The following DYNC2I1 variants were observed in gnomAD, a reference collection of about 807,000 sequenced individuals.
DYNC2I1 encodes dynein 2 intermediate chain 1.
A neutral mutation model predicts 133.4 loss-of-function variants in DYNC2I1; 89 were observed. That is an observed-to-expected ratio of 0.67 (90% CI 0.56 to 0.80). The LOEUF is 0.80. Ranked by LOEUF, DYNC2I1 falls within the 30% of genes least tolerant of loss-of-function variation. DYNC2I1 has a pLI of 0.00. For synonymous variants in DYNC2I1, 504 were observed against 484.3 expected (o/e 1.04, Z -0.54); for missense variants, 1,291 against 1,314.5 (o/e 0.98, Z 0.28).
At chr7:158,916,366 C>T (rs71547579) in intron 14 of DYNC2I1, among the ~76,000 whole-genome samples, 13 of 68,932 alleles carry the variant, frequency 1.9e-4, no homozygotes, top group African/African-American at 6.3e-4. Context: ...TGTGAAACGT[C>T]GACACGCTGG....
chr7:158,948,030 C>A (rs960379550), downstream of DYNC2I1, among the ~76,000 whole-genome samples: 1 of 152,242 alleles, frequency 6.6e-6, no homozygotes, highest in Non-Finnish European at 1.5e-5. Flanking sequence ...AGCCTCACCC[C>A]CAGGGAGGAG....
rs749056314 is a variant in DYNC2I1 at position 158,922,417 on chromosome 7, G to A, written c.1962G>A (p.Arg654=). ...VSSLHTSRVQ[R]QMVVSVHDLP... The stretch of plus-strand genomic sequence containing the variant: ...CCTTGCACACCTCCCGAGTTCAGAG[G>A]CAGATGGTGGTCTCCGTTCACGACT... The change falls in exon 16 of 25, where the codon AGG becomes AGA. Residue 654 remains arginine (R), a synonymous_variant. Transcript: ENST00000407559. 5 of 1,613,988 alleles carry A rather than the reference G, an allele frequency of 3.1e-6. No individual in the cohort carries two copies. The Admixed American group carries it at 8.3e-5, about 27-fold the overall frequency.
rs1176299495 is a variant in DYNC2I1 at position 158,922,463 on chromosome 7, C to T, written c.2008C>T (p.Pro670Ser). 1 of 1,613,980 alleles carries T rather than the reference C, an allele frequency of 6.2e-7. No individual in the cohort carries two copies. The highest frequency in any genetic ancestry group is 1.7e-5 in the Admixed American group (1 of 60,016). The change falls in exon 16 of 25, where the codon CCC (proline) becomes TCC (serine). Residue 670 changes from proline (P) to serine (S), a missense_variant. Transcript: ENST00000407559. ...CGACTTACCCGAGAAGAGCTTTGTG[C>T]CCCTGCTGGACAGCAAATACGTCCT... ...VHDLPEKSFV[P>S]LLDSKYVLCV...
intron 8 of DYNC2I1, among the ~76,000 whole-genome samples, chr7:158,893,505 A>G (rs534564705): frequency 1.3e-5 from 2 of 152,326 alleles, no homozygotes; most frequent in Non-Finnish European, 2.9e-5. Flanking sequence ...CCTATTTTGT[A>G]ATAAGGTGTT....
At chr7:158,868,900 A>G (rs1842641478) in intron 1 of DYNC2I1, among the ~76,000 whole-genome samples, 1 of 152,190 alleles carries the variant, frequency 6.6e-6, no homozygotes, top group Non-Finnish European at 1.5e-5. Context: ...CTTGAACAGG[A>G]TAGCATCTGG....
At chr7:158,939,862 A>G (rs1475893694) in intron 23 of DYNC2I1, among the ~76,000 whole-genome samples, 1 of 152,218 alleles carries the variant, frequency 6.6e-6, no homozygotes, top group African/African-American at 2.4e-5. Flanking sequence ...ACTGTAAAAA[A>G]TGACAAAAAG....
upstream of DYNC2I1, among the ~76,000 whole-genome samples, chr7:158,852,504 G>T (rs1261880374): frequency 6.6e-6 from 1 of 151,722 alleles, no homozygotes; most frequent in East Asian, 2.0e-4. Context: ...ACTTTGGGAG[G>T]CCAAGGTGGG....
intron 11 of DYNC2I1, among the ~76,000 whole-genome samples, chr7:158,909,329 T>TAA (rs1847150906): frequency 2.0e-5 from 1 of 49,462 alleles, no homozygotes; most frequent in African/African-American, 1.3e-4. Context: ...AGACTCTGTC[T>TAA]CAAAAAAAAA....
At chr7:158,843,749 A>G in the DYNC2I1 span, among the ~76,000 whole-genome samples, 136 of 152,278 alleles carry the variant, frequency 8.9e-4, 1 homozygote, top group African/African-American at 3.1e-3. Flanking sequence ...TGACAGAGGC[A>G]TATCTCAGTA....
chr7:158,839,322 G>GT, the DYNC2I1 span, among the ~76,000 whole-genome samples: 69 of 128,758 alleles, frequency 5.4e-4, 2 homozygotes, highest in South Asian at 5.2e-3. Context: ...ATGTAACTCC[G>GT]TAACACCTGA....
intron 7 of DYNC2I1, among the ~76,000 whole-genome samples, chr7:158,887,516 A>G (rs1844717629): frequency 6.6e-6 from 1 of 152,224 alleles, no homozygotes; most frequent in African/African-American, 2.4e-5. Flanking sequence ...ATTAATAATA[A>G]TAGTAACTTT....
intron 10 of DYNC2I1, chr7:158,902,801 A>G: frequency 1.8e-6 from 1 of 564,628 alleles, no homozygotes; most frequent in Non-Finnish European, 3.1e-6. Flanking sequence ...ATTCTCTTAC[A>G]CAGAGAAGTT....
intron 14 of DYNC2I1, among the ~76,000 whole-genome samples, chr7:158,915,253 A>T (rs1179527612): frequency 6.6e-6 from 1 of 152,052 alleles, no homozygotes; most frequent in Non-Finnish European, 1.5e-5. Flanking sequence ...GTTGACATTA[A>T]GAATGATTGT....
At chr7:158,896,834 G>A (rs1288516786) in intron 8 of DYNC2I1, among the ~76,000 whole-genome samples, 3 of 149,590 alleles carry the variant, frequency 2.0e-5, no homozygotes, top group South Asian at 2.1e-4. Flanking sequence ...GCAGATTTTT[G>A]CATCTGTATT....
In DYNC2I1 at chr7:158,945,789, C is replaced by T. The variant is rs1270138435; in HGVS notation, c.*10C>T. On this transcript the variant is annotated 3_prime_UTR_variant, in exon 25 of 25. Transcript: ENST00000407559. The surrounding 1 kb of genome is among the most constrained non-coding windows in gnomAD (Gnocchi z 4.1). ...AAAACTGCACAAGTAGCGGGTGTGG[C>T]TGAGAGGACCGCGTTTCTGTAATGA... The T allele has an allele frequency of 6.6e-7, 1 of 1,525,488 alleles. No individual in the cohort carries two copies. The highest frequency in any genetic ancestry group is 8.8e-7 in the Non-Finnish European group (1 of 1,137,932). 94.5% of individuals were successfully genotyped at this position (1,525,488 alleles called of 1,614,324 possible). A position where few individuals can be genotyped will look rare whatever the true frequency, so the allele number is the denominator to read the frequency against.
At chr7:158,878,913 G>A (rs1843699541) in intron 4 of DYNC2I1, among the ~76,000 whole-genome samples, 1 of 145,664 alleles carries the variant, frequency 6.9e-6, no homozygotes, top group Non-Finnish European at 1.5e-5. Flanking sequence ...AGGGCCGACT[G>A]TGAGTGCTGG....
At chr7:158,940,535 C>T (rs141763697) in intron 23 of DYNC2I1, among the ~76,000 whole-genome samples, 2 of 152,330 alleles carry the variant, frequency 1.3e-5, no homozygotes, top group East Asian at 3.9e-4. Flanking sequence ...GCAGAATACC[C>T]ATTCTTTACA....
chr7:158,867,950 A>G (rs1311086338), intron 1 of DYNC2I1, among the ~76,000 whole-genome samples: 1 of 152,096 alleles, frequency 6.6e-6, no homozygotes, highest in Non-Finnish European at 1.5e-5. Flanking sequence ...AACATGGCGG[A>G]ACTCCATCTC....
chr7:158,904,854 A>G lies in DYNC2I1; in HGVS notation c.1358-1135A>G, dbSNP rs1052646531. 31 of 232,804 alleles carry G rather than the reference A, an allele frequency of 1.3e-4. 1 individual carries two copies. The Admixed American group carries it at 1.6e-3, about 12-fold the overall frequency. 14.4% of individuals were successfully genotyped at this position (232,804 alleles called of 1,614,324 possible). ...CATCCTCCAGAGCCACACCCTCTGCATTGCTGGCCGTAAAGCTTTGTTGTG... is the reference window on the plus strand; with the variant it reads ...CATCCTCCAGAGCCACACCCTCTGCGTTGCTGGCCGTAAAGCTTTGTTGTG... On this transcript the variant is annotated intron_variant, in intron 10 of 24. Transcript: ENST00000407559.
Sources: gnomAD v4.1 joint callset for allele counts (sites outside exome capture counted in the v4.1 genomes callset) on GRCh38, gnomAD v4.1.1 for gene constraint, Gnocchi (gnomAD v3.1) non-coding constraint, MANE v1.5 for transcripts, NCBI Gene and HGNC (gene_info 2026-07-23, HGNC 2026-07-21) for gene names.